Variants in ZBTB20 observed in about 807,000 individuals in gnomAD.
ZBTB20 encodes zinc finger and BTB domain containing 20.
In ZBTB20, 9 loss-of-function variants were observed where a neutral mutation model predicts 56.9. That is an observed-to-expected ratio of 0.16 (90% CI 0.10 to 0.28). ZBTB20 has a LOEUF of 0.28. ZBTB20 is among the 10% of genes least tolerant of loss of function. The pLI, the probability that ZBTB20 is intolerant of heterozygous loss-of-function variation, is 1.00. For missense variants in ZBTB20, 655 were observed against 1,003.0 expected (o/e 0.65, Z 4.69); for synonymous variants, 417 against 420.7 (o/e 0.99, Z 0.11).
At chr3:114,847,197 T>C (rs1294970508) in intron 4 of ZBTB20, among the ~76,000 whole-genome samples, 1 of 152,070 alleles carries the variant, frequency 6.6e-6, no homozygotes, top group Non-Finnish European at 1.5e-5. Flanking sequence ...CAAGGGCTAT[T>C]TTTCACAATG....
chr3:114,808,195 C>T (rs1171936352), intron 4 of ZBTB20, among the ~76,000 whole-genome samples: 5 of 151,844 alleles, frequency 3.3e-5, no homozygotes, highest in Admixed American at 6.6e-5. Context: ...TGGTAATTTG[C>T]GCATTTCTAA....
At position 114,847,981 on chromosome 3, in the gene ZBTB20, C is replaced by T. The variant is rs532248721; in HGVS notation, c.-416-46807G>A. On this transcript the variant is annotated intron_variant, in intron 4 of 11. Coordinates refer to ENST00000675478, the MANE Select transcript of ZBTB20 (RefSeq NM_001348800.3). Reference sequence around the variant, plus strand: ...ATTGACAGAACCACTCTTATGCCTCCTAATCCCCACTTCCTACAAACCAGC... The same window carrying T: ...ATTGACAGAACCACTCTTATGCCTCTTAATCCCCACTTCCTACAAACCAGC... Among the ~76,000 whole-genome samples, 14 of 152,220 alleles carry T rather than the reference C, an allele frequency of 9.2e-5. No homozygotes were observed. In the South Asian group the frequency reaches 2.1e-3, roughly 23 times the overall value.
chr3:114,626,220 T>C (rs2058652218), intron 6 of ZBTB20, among the ~76,000 whole-genome samples: 2 of 152,196 alleles, frequency 1.3e-5, no homozygotes, highest in African/African-American at 4.8e-5. Context: ...AAATAAACTT[T>C]CAGCTTTCAT....
rs1421600782 is a variant in ZBTB20 at position 114,684,209 on chromosome 3, T to C, written c.-295+9319A>G. On this transcript the variant is annotated intron_variant, in intron 6 of 11. Transcript: ENST00000675478. ...CCTGACACTCATTCACCAATTATTT[T>C]CTTCTAGGAGTCTAATATGTATTCA... Among the ~76,000 whole-genome samples, 6 of 152,158 alleles carry C rather than the reference T, an allele frequency of 3.9e-5. No individual in the cohort carries two copies. The East Asian group carries it at 9.6e-4, about 24-fold the overall frequency.
chr3:115,130,215 A>G (rs1248442970), intron 1 of ZBTB20, among the ~76,000 whole-genome samples: 1 of 152,124 alleles, frequency 6.6e-6, no homozygotes, highest in African/African-American at 2.4e-5. Flanking sequence ...TTTTCATCTA[A>G]TATCTTTAAA....
intron 6 of ZBTB20, among the ~76,000 whole-genome samples, chr3:114,628,007 C>T (rs1304906698): frequency 5.9e-5 from 9 of 152,154 alleles, no homozygotes; most frequent in Non-Finnish European, 1.5e-5. Context: ...AGTCAAGTCC[C>T]TTAACTCCCC....
At chr3:114,411,806 G>T (rs377431362) in intron 7 of ZBTB20, among the ~76,000 whole-genome samples, 1 of 152,120 alleles carries the variant, frequency 6.6e-6, no homozygotes, top group Non-Finnish European at 1.5e-5. Flanking sequence ...TTAAATTAAG[G>T]AGTGGAAGGA....
chr3:114,518,984 T>G (rs897409642), intron 6 of ZBTB20: 2 of 152,174 alleles, frequency 1.3e-5, no homozygotes, highest in African/African-American at 4.8e-5. Context: ...AAACTCTGAT[T>G]TATGCCCTTT....
intron 5 of ZBTB20, among the ~76,000 whole-genome samples, chr3:114,705,904 T>C (rs2063691999): frequency 6.6e-6 from 1 of 152,182 alleles, no homozygotes; most frequent in Admixed American, 6.5e-5. Flanking sequence ...CTGTGCCATA[T>C]TGATAATTAC....
At chr3:114,344,411 C>A (rs967255549) in intron 11 of ZBTB20, among the ~76,000 whole-genome samples, 2 of 152,150 alleles carry the variant, frequency 1.3e-5, no homozygotes, top group Non-Finnish European at 2.9e-5. Flanking sequence ...ACTAGCCCAA[C>A]CAGATTATCT....
intron 4 of ZBTB20, among the ~76,000 whole-genome samples, chr3:114,823,142 T>A (rs777358492): frequency 6.6e-6 from 1 of 152,112 alleles, no homozygotes; most frequent in Non-Finnish European, 1.5e-5. Context: ...TCCTGAAATA[T>A]GTTCACATCC....
chr3:114,569,497 G>A (rs1345275768), intron 6 of ZBTB20, among the ~76,000 whole-genome samples: 1 of 152,160 alleles, frequency 6.6e-6, no homozygotes, highest in Non-Finnish European at 1.5e-5. Flanking sequence ...ATCCTCTCTG[G>A]CTCTTACATT....
At chr3:114,878,091 C>T (rs2076262421) in intron 4 of ZBTB20, among the ~76,000 whole-genome samples, 1 of 152,060 alleles carries the variant, frequency 6.6e-6, no homozygotes, top group Non-Finnish European at 1.5e-5. Flanking sequence ...TGTCCATTTC[C>T]TCTCCAGTTT....
intron 2 of ZBTB20, among the ~76,000 whole-genome samples, chr3:115,022,869 T>G (rs1250546423): frequency 6.6e-6 from 1 of 150,992 alleles, no homozygotes; most frequent in East Asian, 1.9e-4. Flanking sequence ...ACAAGGATAT[T>G]TGGATGTTTA....
intron 6 of ZBTB20, among the ~76,000 whole-genome samples, chr3:114,682,035 C>A (rs1249159454): frequency 6.6e-6 from 1 of 152,056 alleles, no homozygotes; most frequent in Non-Finnish European, 1.5e-5. Flanking sequence ...CCTTTATTTT[C>A]AAAGTAATTC....
chr3:114,446,187 G>A (rs956280489), intron 7 of ZBTB20, among the ~76,000 whole-genome samples: 1 of 152,076 alleles, frequency 6.6e-6, no homozygotes, highest in Non-Finnish European at 1.5e-5. Context: ...TATAAGGTTT[G>A]CAGGGCCACC....
chr3:115,030,517 C>T (rs941345295), intron 2 of ZBTB20, among the ~76,000 whole-genome samples: 2 of 150,938 alleles, frequency 1.3e-5, no homozygotes, highest in Admixed American at 6.6e-5. Flanking sequence ...AGTACACATT[C>T]GAAAATATTG....
chr3:114,541,102 A>C (rs2049057745), intron 6 of ZBTB20, among the ~76,000 whole-genome samples: 5 of 152,116 alleles, frequency 3.3e-5, no homozygotes, highest in Admixed American at 2.6e-4. Flanking sequence ...TCCCAGATTT[A>C]CTTCTTGTCC....
chr3:114,670,501 G>C (rs1004072102), intron 6 of ZBTB20, among the ~76,000 whole-genome samples: 1 of 151,998 alleles, frequency 6.6e-6, no homozygotes, highest in Non-Finnish European at 1.5e-5. Context: ...TAGGATCAGG[G>C]AGATGGAGAT....
Sources: gnomAD v4.1 joint callset for allele counts (sites outside exome capture counted in the v4.1 genomes callset) on GRCh38, gnomAD v4.1.1 for gene constraint, MANE v1.5 for transcripts, NCBI Gene and HGNC (gene_info 2026-07-23, HGNC 2026-07-21) for gene names.